MACF1: variants seen among roughly 807,000 people sequenced by gnomAD.
MACF1 encodes microtubule-actin cross-linking factor 1.
Under a neutral mutation model 854.8 loss-of-function variants are expected in MACF1, and 193 were observed. The ratio of observed to expected loss-of-function variants is 0.23; its 90% CI spans 0.20 to 0.25. The LOEUF is 0.25. Ranked by LOEUF, MACF1 falls within the 10% of genes least tolerant of loss-of-function variation. The pLI, the probability that MACF1 is intolerant of heterozygous loss-of-function variation, is 1.00. For missense variants in MACF1, 7,722 were observed against 8,929.1 expected, an observed-to-expected ratio of 0.86 and a Z score of 5.45; for synonymous variants, 3,185 against 3,226.7, an observed-to-expected ratio of 0.99 and a Z score of 0.44.
intron 2 of MACF1, among the ~76,000 whole-genome samples, chr1:39,157,607 A>G (rs1056030222): frequency 3.9e-5 from 6 of 152,242 alleles, no homozygotes; most frequent in African/African-American, 1.2e-4. Flanking sequence ...TAAGATGAGC[A>G]AGAATTTTTC....
At chr1:39,263,771 CTTT>C (rs11453750) in intron 6 of MACF1, among the ~76,000 whole-genome samples, 4 of 100,166 alleles carry the variant, frequency 4.0e-5, no homozygotes, top group Non-Finnish European at 7.2e-5. Flanking sequence ...TTTCTTTTTT[CTTT>C]TTTTTTTTTT....
rs1406999183 is a variant in MACF1, at chr1:39,435,765, T to C, written c.17988+4T>C. The C allele has an allele frequency of 1.2e-6, 2 of 1,612,804 alleles. No individual in the cohort carries two copies. Among genetic ancestry groups the C allele is most frequent in the African/African-American group, 1.3e-5 (1 of 74,880 alleles). On this transcript the variant is annotated splice_donor_region_variant and intron_variant, in intron 70 of 100. Coordinates refer to ENST00000564288, the MANE Select transcript of MACF1 (RefSeq NM_001394062.1). ...AGCCGTGTCCCAGTCCACACAGGTA[T>C]GTGTGTGTCTGACACTCATAACCTT... is the stretch of plus-strand genomic sequence containing the variant.
intron 61 of MACF1, 80 bp from the exon 62 acceptor site, chr1:39,427,375 T>G (rs1643761013): frequency 8.3e-7 from 1 of 1,205,410 alleles, no homozygotes; most frequent in East Asian, 2.4e-5. Flanking sequence ...GAAAAGACTA[T>G]TCTTTTACTG....
intron 49 of MACF1, among the ~76,000 whole-genome samples, chr1:39,364,943 A>C (rs1648560030): frequency 6.6e-6 from 1 of 152,164 alleles, no homozygotes; most frequent in East Asian, 1.9e-4. Flanking sequence ...ATTTTTTTTT[A>C]CATTTGAATC....
chr1:39,251,990 G>A, intron 4 of MACF1, 49 bp downstream of exon 4: 2 of 1,327,678 alleles, frequency 1.5e-6, no homozygotes, highest in South Asian at 1.6e-5. Flanking sequence ...TGCTGGCACT[G>A]CAGGGCCATC....
At chr1:39,257,063 C>T (rs1398538986) in intron 5 of MACF1, among the ~76,000 whole-genome samples, 2 of 152,144 alleles carry the variant, frequency 1.3e-5, no homozygotes, top group Non-Finnish European at 2.9e-5. Context: ...ACCCAGCAAT[C>T]CCACTCCTAG....
rs777843294 is a variant in MACF1, at chr1:39,481,016, C to A, written c.22267C>A (p.Leu7423Met). ...IRDSHSPDLQ[L>M]PTPEVIPSSG... Reference sequence around the variant, plus strand: ...GGACAGCCATTCTCCTGACCTCCAGCTGCCCACCCCCGAGGTAGAGTATGG... The same window carrying A: ...GGACAGCCATTCTCCTGACCTCCAGATGCCCACCCCCGAGGTAGAGTATGG... Residue 7423 changes from leucine (L) to methionine (M), a missense_variant, in exon 99 of 101, where the codon CTG becomes ATG. Physicochemically the swap from Leu to Met is conservative, Grantham distance 15. Coordinates refer to ENST00000564288, the MANE Select transcript of MACF1 (RefSeq NM_001394062.1). The A allele has an allele frequency of 3.2e-6, 5 of 1,549,644 alleles. No individual in the cohort carries two copies. In the African/African-American group the frequency reaches 6.8e-5, roughly 21 times the overall value.
Position 39,430,816 on chromosome 1 carries a change from G to C in MACF1, c.17245G>C (p.Val5749Leu). The change falls in exon 66 of 101, where the codon GTG becomes CTG. Residue 5749 changes from valine (V) to leucine (L), a missense_variant. Transcript: ENST00000564288. The part of the protein sequence containing the change: ...WRAREGLDKL[V>L]SDANEQYKLV... ...AGCCAGAGAAGGGCTGGATAAACTT[G>C]TGTCCGATGCTAACGAGCAGTACAA... The C allele has an allele frequency of 6.2e-7, 1 of 1,612,726 alleles. No individual in the cohort carries two copies. Among genetic ancestry groups the C allele is most frequent in the Non-Finnish European group, 8.5e-7 (1 of 1,180,018 alleles).
intron 2 of MACF1, among the ~76,000 whole-genome samples, chr1:39,148,590 T>C (rs189925772): frequency 6.6e-6 from 1 of 152,238 alleles, no homozygotes; most frequent in African/African-American, 2.4e-5. Context: ...ACTTAGTGTA[T>C]GTTGAAAGTC....
rs1338529419 is a variant in MACF1 at position 39,427,521 on chromosome 1, T to C, written c.16383T>C (p.Ser5461=). 1 of 1,614,160 alleles carries C rather than the reference T, an allele frequency of 6.2e-7. No individual in the cohort carries two copies. The highest frequency in any genetic ancestry group is 2.2e-5 in the East Asian group (1 of 44,882). ...TCCATGAGACAGCTGAGCCTATTTC[T>C]GACTTCTTATCTGTCACAGAGAAAA... ...KQFHETAEPI[S]DFLSVTEKKL... The change falls in exon 62 of 101, where the codon TCT becomes TCC. Residue 5461 remains serine (S), a synonymous_variant. Coordinates refer to ENST00000564288, the MANE Select transcript of MACF1 (RefSeq NM_001394062.1).
chr1:39,457,109 A>G (rs527326874), intron 89 of MACF1: 1 of 152,348 alleles, frequency 6.6e-6, no homozygotes, highest in South Asian at 2.1e-4. Flanking sequence ...GCTATTACCT[A>G]TAAAGCTTCT....
chr1:39,156,155 G>T (rs762350864), intron 2 of MACF1, among the ~76,000 whole-genome samples: 1 of 151,886 alleles, frequency 6.6e-6, no homozygotes, highest in Non-Finnish European at 1.5e-5. Flanking sequence ...GATTACAGGC[G>T]TGAGCCACCG....
intron 36 of MACF1, among the ~76,000 whole-genome samples, chr1:39,328,080 T>G (rs1433051186): frequency 6.6e-6 from 1 of 152,142 alleles, no homozygotes; most frequent in Non-Finnish European, 1.5e-5. Context: ...TAAGCTCACG[T>G]GATAGTCAAA....
At chr1:39,209,976 G>C (rs1644497008) in intron 1 of MACF1, among the ~76,000 whole-genome samples, 1 of 152,020 alleles carries the variant, frequency 6.6e-6, no homozygotes, top group Non-Finnish European at 1.5e-5. Flanking sequence ...TGTAATCCCA[G>C]CTACTTGGGA....
chr1:39,271,918 C>A (rs908946767), intron 6 of MACF1, among the ~76,000 whole-genome samples: 2 of 152,164 alleles, frequency 1.3e-5, no homozygotes, highest in Admixed American at 6.5e-5. Context: ...AACCTTTGGA[C>A]CATGATCTGT....
chr1:39,448,671 G>A lies in MACF1; in HGVS notation c.20166G>A (p.Lys6722=). ...TIRTGRALKE[K]TLLPEDSQKL... Reference sequence around the variant, plus strand: ...GAACTGGCAGAGCACTGAAAGAAAAGACTTTGCTTCCCGAAGATAGTCAGA... The same window carrying A: ...GAACTGGCAGAGCACTGAAAGAAAAAACTTTGCTTCCCGAAGATAGTCAGA... Residue 6722 remains lysine, a synonymous_variant, in exon 84 of 101, where the codon AAG becomes AAA. Coordinates refer to ENST00000564288, the MANE Select transcript of MACF1 (RefSeq NM_001394062.1). 1 of 1,613,388 alleles carries A rather than the reference G, an allele frequency of 6.2e-7. No individual in the cohort carries two copies. The highest frequency in any genetic ancestry group is 2.2e-5 in the East Asian group (1 of 44,878).
intron 58 of MACF1, chr1:39,411,536 G>A (rs1481736229): frequency 6.2e-7 from 1 of 1,613,778 alleles, no homozygotes; most frequent in African/African-American, 1.3e-5. Flanking sequence ...GTTCTTACAG[G>A]TGAGGATATT....
intron 2 of MACF1, among the ~76,000 whole-genome samples, chr1:39,233,996 C>G (rs368266388): frequency 5.6e-5 from 8 of 141,746 alleles, no homozygotes; most frequent in African/African-American, 7.7e-5. Flanking sequence ...TGACTCTTAA[C>G]GAGCATGCTG....
Position 39,331,793 on chromosome 1 carries a change from G to A in MACF1, c.5205G>A (p.Gly1735=), listed in dbSNP as rs199821122. The A allele has an allele frequency of 1.9e-5, 31 of 1,614,158 alleles. No individual in the cohort carries two copies. Among genetic ancestry groups the A allele is most frequent in the Middle Eastern group, 1.6e-4 (1 of 6,062 alleles). The change falls in exon 37 of 101, where the codon GGG becomes GGA. Residue 1735 remains glycine (G), a synonymous_variant. Coordinates refer to ENST00000564288, the MANE Select transcript of MACF1 (RefSeq NM_001394062.1). The part of the protein sequence containing the change: ...FKLLPVKQLA[G]GMVSLKSGRK... ...TACTGCCTGTCAAACAATTGGCAGGGGGGATGGTGAGCTTGAAATCAGGCC... is the reference window on the plus strand; with the variant it reads ...TACTGCCTGTCAAACAATTGGCAGGAGGGATGGTGAGCTTGAAATCAGGCC...
Sources: allele counts gnomAD v4.1 joint callset (sites outside exome capture counted in the v4.1 genomes callset), GRCh38; gene constraint gnomAD v4.1.1; transcripts MANE v1.5; gene names NCBI Gene and HGNC (gene_info 2026-07-23, HGNC 2026-07-21).